The following SIPA1L1 variants were observed in gnomAD, a reference collection of about 807,000 sequenced individuals.
SIPA1L1 encodes the protein signal-induced proliferation-associated 1-like protein 1.
A neutral mutation model predicts 162.7 loss-of-function variants in SIPA1L1; 26 were observed. That is an observed-to-expected ratio of 0.16 (90% CI 0.12 to 0.22). The LOEUF is 0.22. Among genes scored for constraint, SIPA1L1 ranks in the 10% least tolerant of loss-of-function variants. The probability of loss-of-function intolerance (pLI) is 1.00; values close to 1 mark genes in which losing one functional copy is unlikely to be tolerated. For synonymous variants in SIPA1L1, 829 were observed against 837.4 expected, an observed-to-expected ratio of 0.99 and a Z score of 0.17; for missense variants, 1,874 against 2,241.0, an observed-to-expected ratio of 0.84 and a Z score of 3.31.
At chr14:71,353,407 T>C (rs895600610) in intron 2 of SIPA1L1, among the ~76,000 whole-genome samples, 5 of 152,162 alleles carry the variant, frequency 3.3e-5, no homozygotes, top group Non-Finnish European at 7.3e-5. Context: ...GCCAGGTGCC[T>C]AGAAGGACAT....
At chr14:71,565,916 A>C (rs2030430933) in intron 4 of SIPA1L1, among the ~76,000 whole-genome samples, 1 of 152,118 alleles carries the variant, frequency 6.6e-6, no homozygotes, top group Non-Finnish European at 1.5e-5. Flanking sequence ...GTGTTCACAG[A>C]GTAGAATGTA....
At position 71,588,594 on chromosome 14, in the gene SIPA1L1, C is replaced by G; in HGVS notation, c.722C>G (p.Thr241Ser). Reference sequence around the variant, plus strand: ...AAATCTGATCGAGGTCCAACTCCAACCAAGCTCAGTGACTTTCTCATTACT... The same window carrying G: ...AAATCTGATCGAGGTCCAACTCCAAGCAAGCTCAGTGACTTTCTCATTACT... ...DDKSDRGPTP[T>S]KLSDFLITGG... The change falls in exon 5 of 24, where the codon ACC (threonine) becomes AGC (serine). Residue 241 changes from threonine to serine, a missense_variant. Physicochemically the swap from Thr to Ser is moderately conservative, Grantham distance 58 (BLOSUM62 1). Around this residue, in one of 5 missense-constraint regions of SIPA1L1, gnomAD observed 685 missense variants for 828.0 expected, o/e 0.83. Coordinates refer to ENST00000381232, the MANE Select transcript of SIPA1L1 (RefSeq NM_001386936.1). This position sits in a 1 kb window ranked among gnomAD's most constrained non-coding sequence, Gnocchi z 4.3. 1 of 1,614,026 alleles carries G rather than the reference C, an allele frequency of 6.2e-7. No individual in the cohort carries two copies. The highest frequency in any genetic ancestry group is 8.5e-7 in the Non-Finnish European group (1 of 1,179,956).
rs367679581 is a variant in SIPA1L1 at position 71,672,458 on chromosome 14, C to T, written c.2940C>T (p.Tyr980=). The T allele has an allele frequency of 1.5e-5, 24 of 1,614,072 alleles. No individual in the cohort carries two copies. Among genetic ancestry groups the T allele is most frequent in the Admixed American group, 3.3e-5 (2 of 60,012 alleles). ...GCATTGTGGCGGATGTGGAGCCCTA[C>T]GGTTATGCCTGGCAGGCAGGGCTGA... ...YEGIVADVEP[Y]GYAWQAGLRQ... is the part of the protein sequence containing the mutation. Residue 980 remains tyrosine (Y), a synonymous_variant, in exon 12 of 24, where the codon TAC becomes TAT. Transcript: ENST00000381232.
intron 2 of SIPA1L1, chr14:71,400,909 A>C (rs1478467695): frequency 6.6e-6 from 1 of 152,128 alleles, no homozygotes; most frequent in African/African-American, 2.4e-5. Context: ...AATTCTTGTC[A>C]GATTACGCAG....
chr14:71,600,895 A>G (rs573412497), intron 5 of SIPA1L1, among the ~76,000 whole-genome samples: 7 of 152,132 alleles, frequency 4.6e-5, no homozygotes, highest in African/African-American at 1.7e-4. Flanking sequence ...TTCTCAACTA[A>G]TTCGTTATTG....
intron 4 of SIPA1L1, among the ~76,000 whole-genome samples, chr14:71,555,753 T>C (rs1209010755): frequency 6.6e-6 from 1 of 152,158 alleles, no homozygotes; most frequent in Non-Finnish European, 1.5e-5. Context: ...GAGGCCATTC[T>C]AATTTCAGTG....
intron 8 of SIPA1L1, among the ~76,000 whole-genome samples, chr14:71,655,598 A>G (rs2042987501): frequency 6.6e-6 from 1 of 152,078 alleles, no homozygotes; most frequent in South Asian, 2.1e-4. Flanking sequence ...CAGTGTATGT[A>G]TATTTTCTTT....
intron 5 of SIPA1L1, among the ~76,000 whole-genome samples, chr14:71,615,678 C>T (rs1259148129): frequency 1.3e-5 from 2 of 152,064 alleles, no homozygotes; most frequent in African/African-American, 2.4e-5. Context: ...TGCAGATGTG[C>T]GTGGGACAAA....
intron 2 of SIPA1L1, among the ~76,000 whole-genome samples, chr14:71,376,309 T>C (rs187368721): frequency 1.7e-3 from 260 of 152,204 alleles, no homozygotes; most frequent in African/African-American, 5.9e-3. Flanking sequence ...TTGTTGAGTT[T>C]GTTGGCATAG....
chr14:71,436,144 C>T (rs1464009033), intron 2 of SIPA1L1, among the ~76,000 whole-genome samples: 2 of 152,148 alleles, frequency 1.3e-5, no homozygotes, highest in Non-Finnish European at 2.9e-5. Context: ...TGTGAATTGA[C>T]TCTGCCAATT....
chr14:71,369,818 T>A (rs1431209185), intron 2 of SIPA1L1, among the ~76,000 whole-genome samples: 1 of 150,346 alleles, frequency 6.7e-6, no homozygotes, highest in Non-Finnish European at 1.5e-5. Flanking sequence ...TCCATTTGTT[T>A]GTGTCCTTTT....
chr14:71,364,966 C>T (rs34748537), intron 2 of SIPA1L1, among the ~76,000 whole-genome samples: 7 of 152,000 alleles, frequency 4.6e-5, no homozygotes, highest in African/African-American at 1.7e-4. Flanking sequence ...AGGCTGGTCT[C>T]GAATTCCTGG....
chr14:71,673,440 C>A (rs1043180950), intron 12 of SIPA1L1, among the ~76,000 whole-genome samples: 2 of 152,142 alleles, frequency 1.3e-5, no homozygotes, highest in Non-Finnish European at 2.9e-5. Flanking sequence ...CTTTCTAAAG[C>A]CAAGACAGTG....
At chr14:71,675,217 G>A (rs965867231) in intron 12 of SIPA1L1, among the ~76,000 whole-genome samples, 10 of 152,158 alleles carry the variant, frequency 6.6e-5, no homozygotes, top group East Asian at 5.8e-4. Context: ...CCGCTGTGAC[G>A]CTCTCAGGCC....
intron 2 of SIPA1L1, among the ~76,000 whole-genome samples, chr14:71,370,418 A>T (rs1259033857): frequency 6.6e-6 from 1 of 152,072 alleles, no homozygotes; most frequent in Non-Finnish European, 1.5e-5. Flanking sequence ...CTATTGAGAT[A>T]ATCATGTGGT....
chr14:71,676,751 T>G (rs2045242649), intron 12 of SIPA1L1, among the ~76,000 whole-genome samples: 1 of 151,760 alleles, frequency 6.6e-6, no homozygotes. Context: ...CTTGTGATAG[T>G]TTGCTGAGAA....
intron 2 of SIPA1L1, among the ~76,000 whole-genome samples, chr14:71,329,726 T>C (rs2034293979): frequency 2.0e-5 from 3 of 152,240 alleles, no homozygotes; most frequent in Non-Finnish European, 4.4e-5. Flanking sequence ...CATATTCTCG[T>C]TGGCCATTTG....
chr14:71,468,008 GTGTGT>G (rs2047152105), intron 2 of SIPA1L1, among the ~76,000 whole-genome samples: 3 of 51,498 alleles, frequency 5.8e-5, no homozygotes, highest in Non-Finnish European at 9.4e-5. Flanking sequence ...TTAGAGGGGT[GTGTGT>G]GTGTGTGTGT....
chr14:71,334,960 G>A (rs1299705166), intron 2 of SIPA1L1, among the ~76,000 whole-genome samples: 1 of 152,166 alleles, frequency 6.6e-6, no homozygotes, highest in Admixed American at 6.5e-5. Context: ...TATTTGAAAT[G>A]TAGTACTTTT....
Sources: gnomAD v4.1 joint callset for allele counts (sites outside exome capture counted in the v4.1 genomes callset) on GRCh38, gnomAD v4.1.1 for gene constraint, gnomAD v4.1.1 regional missense constraint, Gnocchi (gnomAD v3.1) non-coding constraint, MANE v1.5 for transcripts, NCBI Gene and HGNC (gene_info 2026-07-23, HGNC 2026-07-21) for gene names.